Variants in ANKAR observed in about 807,000 individuals in gnomAD.
The protein encoded by ANKAR is ankyrin and armadillo repeat-containing protein.
Under a neutral mutation model 146.2 loss-of-function variants are expected in ANKAR, and 136 were observed. The ratio of observed to expected loss-of-function variants is 0.93; its 90% CI spans 0.81 to 1.07. ANKAR has a LOEUF of 1.07. Ranked by LOEUF, ANKAR falls within the 50% of genes least tolerant of loss-of-function variation. The pLI, the probability that ANKAR is intolerant of heterozygous loss-of-function variation, is 0.00. For missense variants in ANKAR, 1,567 were observed against 1,679.9 expected (o/e 0.93, Z 1.18); for synonymous variants, 500 against 575.8 (o/e 0.87, Z 1.88).
In ANKAR at chr2:189,694,483, G is replaced by A. The variant is rs147763231; in HGVS notation, c.1308-498G>A. ...ATCAATTTTCCATTCCAGAATGATA[G>A]GGATCAGGGCTGTTTCAAGCCCCAC... On this transcript the variant is annotated intron_variant, in intron 5 of 22. Coordinates refer to ENST00000684021, the MANE Select transcript of ANKAR (RefSeq NM_001378068.1). Among the ~76,000 whole-genome samples the A allele has an allele frequency of 1.2e-4, 18 of 152,304 alleles. No homozygotes were observed. In the East Asian group the frequency reaches 2.7e-3, roughly 23 times the overall value.
chr2:189,749,528 C>T (rs913479274), downstream of ANKAR, among the ~76,000 whole-genome samples: 11 of 151,434 alleles, frequency 7.3e-5, no homozygotes, highest in Non-Finnish European at 1.3e-4. Context: ...ATAATATTTG[C>T]AGTACAAAGT....
Position 189,677,175 on chromosome 2 carries a change from C to G in ANKAR, c.601+84C>G. The G allele has an allele frequency of 2.2e-6, 3 of 1,357,284 alleles. 1 individual carries two copies. The highest frequency in any genetic ancestry group is 3.3e-5 in the South Asian group (2 of 61,502). 84.1% of individuals were successfully genotyped at this position (1,357,284 alleles called of 1,614,324 possible). Reference sequence around the variant, plus strand: ...TACGTCACCCAGGGTGGTCACGAACCCCTGAGCTCAAGCCATTCACCCACC... The same window carrying G: ...TACGTCACCCAGGGTGGTCACGAACGCCTGAGCTCAAGCCATTCACCCACC... On this transcript the variant is annotated intron_variant, in intron 2 of 22. Coordinates refer to ENST00000684021, the MANE Select transcript of ANKAR (RefSeq NM_001378068.1).
At chr2:189,732,305 T>C (rs2105853442) in intron 16 of ANKAR, among the ~76,000 whole-genome samples, 1 of 152,292 alleles carries the variant, frequency 6.6e-6, no homozygotes, top group East Asian at 1.9e-4. Context: ...GTTCCAGAAC[T>C]AGAGGAGGAA....
intron 6 of ANKAR, among the ~76,000 whole-genome samples, chr2:189,695,926 TAAAA>T (rs150259428): frequency 1.1e-4 from 17 of 152,244 alleles, no homozygotes; most frequent in African/African-American, 1.4e-4. Flanking sequence ...AAATTAATAA[TAAAA>T]AATTCCCCAA....
intron 18 of ANKAR, 90 bp from the exon 19 acceptor site, chr2:189,738,475 T>G (rs1574731708): frequency 1.6e-6 from 1 of 617,162 alleles, no homozygotes; most frequent in African/African-American, 1.8e-5. Flanking sequence ...TCAAAAGAAT[T>G]AAAAAAAAAA....
chr2:189,743,962 T>C (rs2043706542), intron 21 of ANKAR, among the ~76,000 whole-genome samples: 1 of 152,186 alleles, frequency 6.6e-6, no homozygotes, highest in Non-Finnish European at 1.5e-5. Flanking sequence ...TTTGACTCAA[T>C]GTTGTGGTTT....
At chr2:189,709,502 T>G (rs1345531300) in intron 9 of ANKAR, among the ~76,000 whole-genome samples, 1 of 152,218 alleles carries the variant, frequency 6.6e-6, no homozygotes, top group Non-Finnish European at 1.5e-5. Flanking sequence ...AACATTTAAC[T>G]CTGAATCATG....
chr2:189,689,321 T>C (rs762735782), intron 2 of ANKAR, among the ~76,000 whole-genome samples: 7 of 152,180 alleles, frequency 4.6e-5, no homozygotes, highest in Non-Finnish European at 8.8e-5. Context: ...TAAGGTTTCT[T>C]TGGGGTCCCC....
chr2:189,703,795 G>A (rs1344358223), intron 7 of ANKAR, among the ~76,000 whole-genome samples: 2 of 152,152 alleles, frequency 1.3e-5, no homozygotes, highest in Admixed American at 6.6e-5. Flanking sequence ...CAAAAGCCAA[G>A]GGAAGAAATT....
intron 10 of ANKAR, among the ~76,000 whole-genome samples, chr2:189,716,722 G>A (rs1316965496): frequency 6.6e-6 from 1 of 152,140 alleles, no homozygotes; most frequent in Non-Finnish European, 1.5e-5. Flanking sequence ...AAACAACATG[G>A]TACTGGTACC....
chr2:189,690,692 G>A (rs2036258310), intron 3 of ANKAR, among the ~76,000 whole-genome samples: 1 of 152,120 alleles, frequency 6.6e-6, no homozygotes, highest in South Asian at 2.1e-4. Flanking sequence ...TGAGAATTCA[G>A]GTGCTGTGTT....
At chr2:189,729,535 GTTTC>G (rs1204521479) in intron 15 of ANKAR, among the ~76,000 whole-genome samples, 1 of 151,872 alleles carries the variant, frequency 6.6e-6, no homozygotes, top group Non-Finnish European at 1.5e-5. Flanking sequence ...CAGAGAAGAT[GTTTC>G]TTTTTTTTTG....
At chr2:189,746,935 C>G (rs749755016), downstream of ANKAR, 2 of 179,632 alleles carry the variant, frequency 1.1e-5, no homozygotes, top group African/African-American at 2.4e-5. Flanking sequence ...GTGCAAGAAG[C>G]CTGATTCAAA....
At chr2:189,743,594 G>C in intron 21 of ANKAR, 120 bp downstream of exon 21, 1 of 919,662 alleles carries the variant, frequency 1.1e-6, no homozygotes, top group Non-Finnish European at 1.6e-6. Context: ...CTGTATAGCA[G>C]AGGATAAACT....
intron 2 of ANKAR, among the ~76,000 whole-genome samples, chr2:189,688,447 C>T (rs751283363): frequency 6.6e-6 from 1 of 152,008 alleles, no homozygotes; most frequent in East Asian, 1.9e-4. Context: ...CTGGATCTTT[C>T]GTGGTTTCAT....
intron 10 of ANKAR, among the ~76,000 whole-genome samples, chr2:189,713,568 G>T (rs1043247479): frequency 6.6e-6 from 1 of 152,144 alleles, no homozygotes; most frequent in African/African-American, 2.4e-5. Flanking sequence ...AATCCTGAGA[G>T]ATTTTGTCTC....
chr2:189,679,438 AT>A (rs1241168062), intron 2 of ANKAR, among the ~76,000 whole-genome samples: 1 of 152,076 alleles, frequency 6.6e-6, no homozygotes, highest in Non-Finnish European at 1.5e-5. Flanking sequence ...TCTTTACCAA[AT>A]TGGATGTCTG....
intron 16 of ANKAR, among the ~76,000 whole-genome samples, chr2:189,731,273 T>A (rs757064501): frequency 9.9e-5 from 15 of 152,020 alleles, no homozygotes; most frequent in Non-Finnish European, 5.9e-5. Context: ...TCAAAAAAAA[T>A]TTTATTTTCA....
At chr2:189,730,745 AAAAAT>A (rs2042330123) in intron 16 of ANKAR, 144 bp downstream of exon 16, 1 of 399,166 alleles carries the variant, frequency 2.5e-6, no homozygotes, top group Non-Finnish European at 4.3e-6. Flanking sequence ...GAAATAAGCC[AAAAAT>A]AAAAATAAAA....
Sources: allele counts gnomAD v4.1 joint callset (sites outside exome capture counted in the v4.1 genomes callset), GRCh38; gene constraint gnomAD v4.1.1; transcripts MANE v1.5; gene names NCBI Gene and HGNC (gene_info 2026-07-23, HGNC 2026-07-21).